The following SGCZ variants were observed in gnomAD, a reference collection of about 807,000 sequenced individuals.
SGCZ encodes the protein sarcoglycan zeta, also known as zeta-sarcoglycan.
In SGCZ, 40 loss-of-function variants were observed where a neutral mutation model predicts 41.3. The observed-to-expected ratio is 0.97, with a 90% CI of 0.75 to 1.26. The LOEUF is 1.26. Ranked by LOEUF, SGCZ falls within the 50% of genes most tolerant of loss-of-function variation. The pLI is 0.00. For missense variants in SGCZ, 552 were observed against 369.8 expected (o/e 1.49, Z -4.04); for synonymous variants, 206 against 137.5 (o/e 1.50, Z -3.49).
chr8:14,212,062 C>A (rs1015622146), intron 4 of SGCZ, among the ~76,000 whole-genome samples: 13 of 152,100 alleles, frequency 8.5e-5, no homozygotes, highest in Non-Finnish European at 1.6e-4. Flanking sequence ...ATTTTGAGTT[C>A]TCTCTTCTTC....
At chr8:14,163,723 G>C (rs1051679779) in intron 5 of SGCZ, among the ~76,000 whole-genome samples, 5 of 152,136 alleles carry the variant, frequency 3.3e-5, no homozygotes, top group Admixed American at 3.3e-4. Context: ...GAACAGAGTT[G>C]ATGTTCTTCA....
chr8:14,246,346 AC>A (rs1396173962), intron 3 of SGCZ, among the ~76,000 whole-genome samples: 2 of 152,066 alleles, frequency 1.3e-5, no homozygotes, highest in Non-Finnish European at 2.9e-5. Context: ...TATCGCAAGG[AC>A]AAAAAACCAA....
chr8:14,735,953 T>A (rs1363412524), intron 1 of SGCZ, among the ~76,000 whole-genome samples: 1 of 151,932 alleles, frequency 6.6e-6, no homozygotes, highest in Non-Finnish European at 1.5e-5. Context: ...AAGATAAAAG[T>A]CTACCAAATA....
At chr8:14,489,155 A>C (rs2117024226) in intron 2 of SGCZ, among the ~76,000 whole-genome samples, 1 of 152,230 alleles carries the variant, frequency 6.6e-6, no homozygotes, top group Non-Finnish European at 1.5e-5. Flanking sequence ...CTTTTACTTA[A>C]GAATTCATTA....
At chr8:15,157,535 T>C (rs1004903179) in intron 1 of SGCZ, among the ~76,000 whole-genome samples, 1 of 152,174 alleles carries the variant, frequency 6.6e-6, no homozygotes, top group Non-Finnish European at 1.5e-5. Flanking sequence ...ATTCACGGAT[T>C]CAATTCATGC....
rs563311013 is a variant in SGCZ at position 14,668,184 on chromosome 8, T to C, written c.40-113258A>G. Among the ~76,000 whole-genome samples the C allele has an allele frequency of 6.1e-4, 93 of 152,280 alleles. 1 individual carries two copies. The highest frequency in any genetic ancestry group is 2.2e-3 in the African/African-American group (91 of 41,562). Reference sequence around the variant, plus strand: ...CATGTTGGCCAGGCTAGTCTCAAACTCCTGACCTCAGGTTATCCACCCATC... The same window carrying C: ...CATGTTGGCCAGGCTAGTCTCAAACCCCTGACCTCAGGTTATCCACCCATC... On this transcript the variant is annotated intron_variant, in intron 1 of 7. Coordinates refer to ENST00000382080, the MANE Select transcript of SGCZ (RefSeq NM_139167.4).
intron 6 of SGCZ, among the ~76,000 whole-genome samples, chr8:14,104,493 A>C (rs1440288185): frequency 6.6e-6 from 1 of 152,198 alleles, no homozygotes; most frequent in Non-Finnish European, 1.5e-5. Flanking sequence ...AAGAATTCAG[A>C]CTTTAAAACA....
intron 4 of SGCZ, among the ~76,000 whole-genome samples, chr8:14,185,808 G>C (rs1040176352): frequency 7.9e-5 from 12 of 152,098 alleles, no homozygotes; most frequent in African/African-American, 2.9e-4. Flanking sequence ...CAGCACAAAA[G>C]AAAAACAAAT....
chr8:14,442,027 C>A (rs1024916430), intron 2 of SGCZ, among the ~76,000 whole-genome samples: 1 of 152,236 alleles, frequency 6.6e-6, no homozygotes, highest in South Asian at 2.1e-4. Flanking sequence ...GGGGATAACA[C>A]TGAGTAAACT....
At chr8:14,174,401 C>G (rs921375555) in intron 4 of SGCZ, among the ~76,000 whole-genome samples, 1 of 152,074 alleles carries the variant, frequency 6.6e-6, no homozygotes, top group African/African-American at 2.4e-5. Flanking sequence ...ATGTGTTCAA[C>G]AACTGTAGCT....
intron 1 of SGCZ, among the ~76,000 whole-genome samples, chr8:14,618,561 G>C (rs1361143486): frequency 6.6e-6 from 1 of 152,118 alleles, no homozygotes; most frequent in African/African-American, 2.4e-5. Flanking sequence ...AGTGGAAATA[G>C]GTCAGGCAGC....
chr8:14,187,302 G>A (rs564463823), intron 4 of SGCZ, among the ~76,000 whole-genome samples: 3 of 152,262 alleles, frequency 2.0e-5, no homozygotes, highest in South Asian at 4.1e-4. Flanking sequence ...ACAAAATTAT[G>A]AGATAAATGT....
chr8:14,213,755 A>G (rs1261574219), intron 4 of SGCZ, among the ~76,000 whole-genome samples: 1 of 152,134 alleles, frequency 6.6e-6, no homozygotes, highest in African/African-American at 2.4e-5. Context: ...TTAAGACTTA[A>G]ATATTTGAAG....
intron 2 of SGCZ, among the ~76,000 whole-genome samples, chr8:14,390,503 C>CA (rs1172892354): frequency 2.2e-4 from 34 of 151,386 alleles, no homozygotes; most frequent in Admixed American, 7.9e-4. Flanking sequence ...AGGATAAATT[C>CA]CATAAGGAAC....
Position 14,350,652 on chromosome 8 carries a change from C to G in SGCZ, c.235-26448G>C, listed in dbSNP as rs533851081. ...AAGGTCAATTACTGCTCCATGGCTC[C>G]CTGTGGAAGAGCTGAGGTCTTTGTG... On this transcript the variant is annotated intron_variant, in intron 2 of 7. Coordinates refer to ENST00000382080, the MANE Select transcript of SGCZ (RefSeq NM_139167.4). Among the ~76,000 whole-genome samples, 11 of 152,146 alleles carry G rather than the reference C, an allele frequency of 7.2e-5. No individual in the cohort carries two copies. The East Asian group carries it at 2.1e-3, about 30-fold the overall frequency.
At chr8:14,799,691 T>A (rs1372419) in intron 1 of SGCZ, among the ~76,000 whole-genome samples, 71,049 of 124,930 alleles carry the variant, frequency 0.57, 17,405 homozygotes, top group East Asian at 0.75. Flanking sequence ...TAAAAAAAAA[T>A]TTTTTTTTTT....
chr8:15,012,162 T>C (rs1244887244), intron 1 of SGCZ, among the ~76,000 whole-genome samples: 1 of 152,114 alleles, frequency 6.6e-6, no homozygotes, highest in Non-Finnish European at 1.5e-5. Flanking sequence ...CAGGTGAAGG[T>C]ATAAAATAAA....
rs972074312 is a variant in SGCZ, at chr8:14,699,954, G to A, written c.40-145028C>T. Among the ~76,000 whole-genome samples the A allele has an allele frequency of 2.0e-5, 3 of 151,942 alleles. No individual in the cohort carries two copies. In the East Asian group the frequency reaches 5.8e-4, roughly 29 times the overall value. ...GTTATTATTAAAAAGCCAAAACATA[G>A]CAGATGTTGGCGAGGTTGCAGAGAA... On this transcript the variant is annotated intron_variant, in intron 1 of 7. Coordinates refer to ENST00000382080, the MANE Select transcript of SGCZ (RefSeq NM_139167.4).
chr8:14,109,952 T>TTC (rs144095698), intron 5 of SGCZ, among the ~76,000 whole-genome samples: 5 of 151,622 alleles, frequency 3.3e-5, no homozygotes, highest in East Asian at 1.9e-4. Flanking sequence ...GTGTTCTCTC[T>TTC]TCTCTCTCTC....
Sources: allele counts gnomAD v4.1 joint callset (sites outside exome capture counted in the v4.1 genomes callset), GRCh38; gene constraint gnomAD v4.1.1; transcripts MANE v1.5; gene names NCBI Gene and HGNC (gene_info 2026-07-23, HGNC 2026-07-21).